The following BTAF1 variants were observed in gnomAD, a reference collection of about 807,000 sequenced individuals.
The protein encoded by BTAF1 is B-TFIID TATA-box binding protein associated factor 1, also known as TATA-binding protein-associated factor 172.
In BTAF1, 38 loss-of-function variants were observed where a neutral mutation model predicts 227.1. The ratio of observed to expected loss-of-function variants is 0.17; its 90% CI spans 0.13 to 0.22. The LOEUF (loss-of-function observed/expected upper bound fraction) is 0.22, where lower values mean the gene tolerates loss of function less well. BTAF1 is among the 10% of genes least tolerant of loss of function. The pLI is 1.00. For missense variants in BTAF1, 1,598 were observed against 2,204.0 expected (o/e 0.73, Z 5.51); for synonymous variants, 742 against 751.9 (o/e 0.99, Z 0.21).
intron 33 of BTAF1, among the ~76,000 whole-genome samples, chr10:92,017,685 A>C (rs964145965): frequency 6.6e-6 from 1 of 151,752 alleles, no homozygotes; most frequent in Non-Finnish European, 1.5e-5. Flanking sequence ...AATTTTTAAA[A>C]ATTTTTTTAG....
At chr10:91,968,621 G>C (rs1217232799) in intron 14 of BTAF1, among the ~76,000 whole-genome samples, 4 of 152,178 alleles carry the variant, frequency 2.6e-5, no homozygotes, top group African/African-American at 7.2e-5. Flanking sequence ...ACTGCCAACT[G>C]TCTTCCAAGT....
At position 92,030,766 on chromosome 10, in the gene BTAF1, A is replaced by G. The variant is rs1437; in HGVS notation, c.*1833A>G. 0.32 allele frequency among the ~76,000 whole-genome samples: 48,118 copies of G among 152,122 alleles called. 8,767 individuals carry two copies. The highest frequency in any genetic ancestry group is 0.52 in the South Asian group (2,516 of 4,818). On this transcript the variant is annotated 3_prime_UTR_variant, in exon 38 of 38. Coordinates refer to ENST00000265990, the MANE Select transcript of BTAF1 (RefSeq NM_003972.3). The stretch of plus-strand genomic sequence containing the variant: ...CTTCTGAATGGGAAACAGGAGTCAG[A>G]GCTGACAGGAAAACTTAGAGTGGCT...
Position 91,942,551 on chromosome 10 carries a change from T to C in BTAF1, c.383T>C (p.Val128Ala). The C allele has an allele frequency of 1.2e-6, 2 of 1,613,918 alleles. No individual in the cohort carries two copies. Among genetic ancestry groups the C allele is most frequent in the Non-Finnish European group, 1.7e-6 (2 of 1,179,970 alleles). ...GGATCTGCTGGTGCCGAATTTGAAGTCCAAGATGAAAAATCAGGTCTGTAG... is the reference window on the plus strand; with the variant it reads ...GGATCTGCTGGTGCCGAATTTGAAGCCCAAGATGAAAAATCAGGTCTGTAG... ...LLGSAGAEFE[V>A]QDEKSGEVDP... The change falls in exon 4 of 38, where the codon GTC (valine) becomes GCC (alanine). Residue 128 changes from valine to alanine, a missense_variant. Coordinates refer to ENST00000265990, the MANE Select transcript of BTAF1 (RefSeq NM_003972.3).
At chr10:91,934,012 A>G (rs1036467125) in intron 1 of BTAF1, among the ~76,000 whole-genome samples, 2 of 152,224 alleles carry the variant, frequency 1.3e-5, no homozygotes, top group Non-Finnish European at 2.9e-5. Flanking sequence ...CACCAATCCT[A>G]TAGCAAAAGC....
At chr10:91,976,624 A>AG (rs1847712990) in intron 14 of BTAF1, among the ~76,000 whole-genome samples, 1 of 152,208 alleles carries the variant, frequency 6.6e-6, no homozygotes, top group Admixed American at 6.5e-5. Flanking sequence ...CTGGGGATGA[A>AG]GATCAAATAC....
At chr10:91,985,775 AT>A (rs1848356672) in intron 19 of BTAF1, among the ~76,000 whole-genome samples, 1 of 152,154 alleles carries the variant, frequency 6.6e-6, no homozygotes, top group Admixed American at 6.5e-5. Context: ...TTTCTGAAAT[AT>A]CTTTTCAAAA....
At chr10:91,925,516 C>CT (rs6144026) in intron 1 of BTAF1, among the ~76,000 whole-genome samples, 2,884 of 114,574 alleles carry the variant, frequency 0.025, 136 homozygotes, top group African/African-American at 0.062. Flanking sequence ...ACGCTAATCT[C>CT]TTTTTTTTTT....
chr10:92,012,787 A>C (rs1850463348), intron 30 of BTAF1, among the ~76,000 whole-genome samples: 1 of 151,758 alleles, frequency 6.6e-6, no homozygotes, highest in Non-Finnish European at 1.5e-5. Flanking sequence ...AAAAAAAAAA[A>C]AAAGCTTAAA....
chr10:91,984,495 A>T, intron 19 of BTAF1, 91 bp downstream of exon 19: 1 of 1,128,656 alleles, frequency 8.9e-7, no homozygotes, highest in Non-Finnish European at 1.3e-6. Context: ...AAAACACATT[A>T]GTTTGTTGAG....
chr10:91,981,596 T>C, intron 15 of BTAF1, 47 bp from the exon 16 acceptor site: 1 of 1,536,394 alleles, frequency 6.5e-7, no homozygotes, highest in Non-Finnish European at 8.7e-7. Context: ...TTAGAGTTTA[T>C]TTTTATTAGA....
intron 25 of BTAF1, among the ~76,000 whole-genome samples, chr10:92,007,267 G>A (rs1000429398): frequency 7.7e-6 from 1 of 129,750 alleles, no homozygotes; most frequent in African/African-American, 3.0e-5. Flanking sequence ...CACCCAGGCT[G>A]GAGTGCCGTG....
chr10:91,993,893 T>A, intron 22 of BTAF1, 46 bp downstream of exon 22: 1 of 1,440,342 alleles, frequency 6.9e-7, no homozygotes, highest in Non-Finnish European at 9.4e-7. Context: ...AATTTTAATG[T>A]CTATTAATTG....
intron 35 of BTAF1, 27 bp downstream of exon 35, chr10:92,024,994 A>T: frequency 1.9e-6 from 3 of 1,559,076 alleles, no homozygotes; most frequent in Non-Finnish European, 2.6e-6. Flanking sequence ...ACTCTTATTC[A>T]TAAATAAATA....
At chr10:92,001,988 A>G (rs1402639964) in intron 25 of BTAF1, among the ~76,000 whole-genome samples, 4 of 100,478 alleles carry the variant, frequency 4.0e-5, no homozygotes, top group Non-Finnish European at 9.2e-5. Flanking sequence ...ATATATATAC[A>G]CACACACACA....
At chr10:91,991,813 A>G (rs1474649816) in intron 20 of BTAF1, among the ~76,000 whole-genome samples, 2 of 61,280 alleles carry the variant, frequency 3.3e-5, no homozygotes, top group African/African-American at 3.3e-4. Flanking sequence ...ATATATATAT[A>G]TATATATATA....
chr10:91,958,660 A>G (rs1051876697), intron 8 of BTAF1, among the ~76,000 whole-genome samples: 1 of 152,080 alleles, frequency 6.6e-6, no homozygotes, highest in African/African-American at 2.4e-5. Context: ...CCAAGATTGC[A>G]CCACTGCCCT....
rs1247110906 is a variant in BTAF1, at chr10:92,026,747, G to A, written c.5231G>A (p.Gly1744Glu). Reference protein sequence around the residue: ...LQAMDRAHRIGQKRVVNVYRL... With the variant: ...LQAMDRAHRIEQKRVVNVYRL... ...GCCATGGACCGGGCCCATCGCATTG[G>A]GCAGGTAAAAGTCAATTTTACCTCA... Residue 1744 changes from glycine to glutamate, a missense_variant, in exon 36 of 38, where the codon GGG becomes GAG. By Grantham distance (98) the Gly-to-Glu change is moderately conservative. This residue lies in a region of BTAF1 where 20 missense variants were observed against 56.8 expected (regional missense o/e 0.35). Coordinates refer to ENST00000265990, the MANE Select transcript of BTAF1 (RefSeq NM_003972.3). 6.2e-7 allele frequency: 1 copy of A among 1,611,644 alleles called. No homozygotes were observed. Among genetic ancestry groups the A allele is most frequent in the Non-Finnish European group, 8.5e-7 (1 of 1,179,082 alleles).
In BTAF1 at chr10:92,011,186, C is replaced by A; in HGVS notation, c.4181+36C>A. On this transcript the variant is annotated intron_variant, in intron 29 of 37. Transcript: ENST00000265990. ...ATTTTTTTTTTAGAAAAATTAATAT[C>A]AAATTTGAAGACTCTTAATATTTTC... is the stretch of plus-strand genomic sequence containing the variant. The A allele has an allele frequency of 2.0e-6, 3 of 1,527,242 alleles. No individual in the cohort carries two copies. The South Asian group carries it at 3.7e-5, about 19-fold the overall frequency. 94.6% of individuals were successfully genotyped at this position (1,527,242 alleles called of 1,614,324 possible).
At chr10:91,990,447 T>C (rs1848659454) in intron 20 of BTAF1, among the ~76,000 whole-genome samples, 1 of 152,188 alleles carries the variant, frequency 6.6e-6, no homozygotes, top group African/African-American at 2.4e-5. Flanking sequence ...GAGAACTTGC[T>C]TGAGATATTT....
Sources: allele counts gnomAD v4.1 joint callset (sites outside exome capture counted in the v4.1 genomes callset), GRCh38; gene constraint gnomAD v4.1.1; regional missense constraint gnomAD v4.1.1; transcripts MANE v1.5; gene names NCBI Gene and HGNC (gene_info 2026-07-23, HGNC 2026-07-21).